SLC1A3: variants seen among roughly 807,000 people sequenced by gnomAD.
The protein encoded by SLC1A3 is excitatory amino acid transporter 1.
A neutral mutation model predicts 48.1 loss-of-function variants in SLC1A3; 21 were observed. The ratio of observed to expected loss-of-function variants is 0.44; its 90% confidence interval spans 0.31 to 0.63. The LOEUF is 0.63. Among genes scored for constraint, SLC1A3 ranks in the 20% least tolerant of loss-of-function variants. SLC1A3 has a pLI of 0.08. For missense variants in SLC1A3, 546 were observed against 689.0 expected (o/e 0.79, Z 2.32); for synonymous variants, 239 against 251.4 (o/e 0.95, Z 0.47).
intron 3 of SLC1A3, among the ~76,000 whole-genome samples, chr5:36,652,402 A>G (rs1741118336): frequency 6.6e-6 from 1 of 152,142 alleles, no homozygotes; most frequent in Non-Finnish European, 1.5e-5. Context: ...AAAGTTGGTA[A>G]ATTGAGTTTG....
intron 2 of SLC1A3, among the ~76,000 whole-genome samples, chr5:36,611,413 AAT>A (rs1380871816): frequency 3.9e-5 from 6 of 152,008 alleles, no homozygotes; most frequent in Admixed American, 3.3e-4. Context: ...AAACTAGAAA[AAT>A]ATTATGATAA....
chr5:36,685,734 C>G (rs775666969), intron 9 of SLC1A3, among the ~76,000 whole-genome samples: 1 of 152,208 alleles, frequency 6.6e-6, no homozygotes, highest in Non-Finnish European at 1.5e-5. Flanking sequence ...CTTTGCAAAA[C>G]TCCACTATAC....
At chr5:36,683,721 A>AG in intron 8 of SLC1A3, 143 bp from the exon 9 acceptor site, 3 of 717,706 alleles carry the variant, frequency 4.2e-6, no homozygotes, top group Non-Finnish European at 7.0e-6. Context: ...AAAAAAAAAA[A>AG]TCTCATTTAC....
At chr5:36,665,859 A>T (rs896572439) in intron 3 of SLC1A3, among the ~76,000 whole-genome samples, 9 of 152,236 alleles carry the variant, frequency 5.9e-5, no homozygotes, top group Non-Finnish European at 1.3e-4. Context: ...ACTAACTGTG[A>T]TGCAAAATTG....
chr5:36,675,011 T>C (rs1742148563), intron 5 of SLC1A3, among the ~76,000 whole-genome samples: 1 of 152,204 alleles, frequency 6.6e-6, no homozygotes, highest in Non-Finnish European at 1.5e-5. Flanking sequence ...ACAGACACTC[T>C]TGGTTAAATA....
chr5:36,653,742 C>T (rs930245183), intron 3 of SLC1A3, among the ~76,000 whole-genome samples: 2 of 152,202 alleles, frequency 1.3e-5, no homozygotes, highest in African/African-American at 4.8e-5. Flanking sequence ...AACACTAGGT[C>T]TTTCTAGAGC....
intron 3 of SLC1A3, chr5:36,635,992 T>C (rs1740327361): frequency 6.6e-6 from 1 of 152,000 alleles, no homozygotes; most frequent in South Asian, 2.1e-4. Flanking sequence ...AACCTATCTG[T>C]GGGGTAAACT....
chr5:36,624,363 T>G lies in SLC1A3; in HGVS notation c.182-5087T>G, dbSNP rs1045767432. Among the ~76,000 whole-genome samples the G allele has an allele frequency of 3.9e-5, 6 of 152,156 alleles. 1 individual carries two copies. The highest frequency in any genetic ancestry group is 1.4e-4 in the African/African-American group (6 of 41,438). Reference sequence around the variant, plus strand: ...GAGGCTGCGAGGACAGTAGAGTGGGTGAGTCTGGACCCTGGAGCTGGACAG... The same window carrying G: ...GAGGCTGCGAGGACAGTAGAGTGGGGGAGTCTGGACCCTGGAGCTGGACAG... On this transcript the variant is annotated intron_variant, in intron 2 of 9. Coordinates refer to ENST00000265113, the MANE Select transcript of SLC1A3 (RefSeq NM_004172.5).
At chr5:36,648,856 G>T (rs949306950) in intron 3 of SLC1A3, among the ~76,000 whole-genome samples, 14 of 151,974 alleles carry the variant, frequency 9.2e-5, no homozygotes, top group African/African-American at 1.9e-4. Flanking sequence ...TACTAAGATT[G>T]CAATAGAAGA....
At chr5:36,681,105 G>A (rs1009682259) in intron 8 of SLC1A3, among the ~76,000 whole-genome samples, 1 of 152,098 alleles carries the variant, frequency 6.6e-6, no homozygotes, top group Admixed American at 6.5e-5. Flanking sequence ...TATGTATAAA[G>A]TAAAAAGGGA....
Position 36,674,147 on chromosome 5 carries a change from C to A in SLC1A3, c.567+56C>A, listed in dbSNP as rs951205343. ...TTAAATTCCTCTTTTCTATACCAAA[C>A]CAAGTGGGACCCTCTTTTCCCTGCT... On this transcript the variant is annotated intron_variant, in intron 5 of 9. Transcript: ENST00000265113. 9 of 1,331,124 alleles carry A rather than the reference C, an allele frequency of 6.8e-6. No individual in the cohort carries two copies. In the African/African-American group the frequency reaches 1.0e-4, roughly 15 times the overall value. 82.5% of individuals were successfully genotyped at this position (1,331,124 alleles called of 1,614,324 possible).
chr5:36,680,689 G>C, intron 8 of SLC1A3, 100 bp downstream of exon 8: 2 of 978,496 alleles, frequency 2.0e-6, no homozygotes, highest in Non-Finnish European at 3.3e-6. Flanking sequence ...AGGCCAAGGC[G>C]GGTGGATCTC....
chr5:36,670,081 T>C (rs779787663), intron 3 of SLC1A3: 6 of 152,186 alleles, frequency 3.9e-5, no homozygotes, highest in Non-Finnish European at 7.3e-5. Context: ...AGAGCTCATA[T>C]TAATATAGAT....
At chr5:36,625,932 A>G (rs1034694457) in intron 2 of SLC1A3, among the ~76,000 whole-genome samples, 1 of 152,230 alleles carries the variant, frequency 6.6e-6, no homozygotes, top group African/African-American at 2.4e-5. Flanking sequence ...GGAGAGACAC[A>G]CACAAAATAT....
intron 3 of SLC1A3, chr5:36,630,056 A>T: frequency 5.2e-6 from 1 of 193,066 alleles, no homozygotes; most frequent in South Asian, 9.7e-5. Context: ...TAATGCCCAC[A>T]ACACTCACCA....
chr5:36,676,774 A>G (rs536015737), intron 5 of SLC1A3, 118 bp from the exon 6 acceptor site: 1 of 765,768 alleles, frequency 1.3e-6, no homozygotes, highest in Middle Eastern at 3.7e-4. Context: ...TATAACACTC[A>G]TCTCTGAATA....
chr5:36,641,960 T>C (rs1440391262), intron 3 of SLC1A3, among the ~76,000 whole-genome samples: 1 of 152,172 alleles, frequency 6.6e-6, no homozygotes, highest in Non-Finnish European at 1.5e-5. Flanking sequence ...TGTTCCAATA[T>C]CATTTAGGCA....
At chr5:36,682,635 G>T (rs1326587305) in intron 8 of SLC1A3, among the ~76,000 whole-genome samples, 1 of 152,218 alleles carries the variant, frequency 6.6e-6, no homozygotes, top group East Asian at 1.9e-4. Flanking sequence ...CTGATTGATA[G>T]GTGCTCTGTG....
intron 6 of SLC1A3, among the ~76,000 whole-genome samples, chr5:36,677,641 GT>G (rs1198911435): frequency 3.3e-5 from 5 of 152,338 alleles, no homozygotes; most frequent in African/African-American, 7.2e-5. Context: ...CACAGGTGCT[GT>G]GGAAAAATAA....
Sources: gnomAD v4.1 joint callset for allele counts (sites outside exome capture counted in the v4.1 genomes callset) on GRCh38, gnomAD v4.1.1 for gene constraint, MANE v1.5 for transcripts, NCBI Gene and HGNC (gene_info 2026-07-23, HGNC 2026-07-21) for gene names.